The following IPCEF1 variants were observed in gnomAD, a reference collection of about 807,000 sequenced individuals.
IPCEF1 encodes interaction protein for cytohesin exchange factors 1, also known as interactor protein for cytohesin exchange factors 1.
In IPCEF1, 31 loss-of-function variants were observed where a neutral mutation model predicts 50.9. That is an observed-to-expected ratio of 0.61 (90% CI 0.46 to 0.82). The LOEUF (loss-of-function observed/expected upper bound fraction) is 0.82, where lower values mean the gene tolerates loss of function less well. Among genes scored for constraint, IPCEF1 ranks in the 40% least tolerant of loss-of-function variants. The pLI is 0.00. For synonymous variants in IPCEF1, 181 were observed against 192.0 expected, an observed-to-expected ratio of 0.94 and a Z score of 0.47; for missense variants, 458 against 514.0, an observed-to-expected ratio of 0.89 and a Z score of 1.05.
intron 1 of IPCEF1, among the ~76,000 whole-genome samples, chr6:154,338,023 C>T (rs1353527509): frequency 6.6e-6 from 1 of 152,338 alleles, no homozygotes; most frequent in Non-Finnish European, 1.5e-5. Flanking sequence ...TAAGCTGAGG[C>T]TTGAACTTTA....
chr6:154,193,944 C>T (rs960012996), intron 10 of IPCEF1, among the ~76,000 whole-genome samples: 37 of 139,848 alleles, frequency 2.6e-4, no homozygotes, highest in African/African-American at 9.9e-4. Context: ...GGATGTCCAA[C>T]ATAACAGACT....
At chr6:154,333,923 T>A (rs1409185487) in intron 1 of IPCEF1, among the ~76,000 whole-genome samples, 1 of 152,002 alleles carries the variant, frequency 6.6e-6, no homozygotes, top group Non-Finnish European at 1.5e-5. Context: ...AAATGAGTAT[T>A]AGGAGAGAGA....
chr6:154,192,272 G>T lies in IPCEF1; in HGVS notation c.910+7396C>A, dbSNP rs139269283. ...TACCCCACACCCTCACAAGTAATTT[G>T]CTGGCTGATTTCTGTTTCTTGACCC... On this transcript the variant is annotated intron_variant, in intron 10 of 11. Coordinates refer to ENST00000367220, the MANE Select transcript of IPCEF1 (RefSeq NM_001130700.2). Among the ~76,000 whole-genome samples, 493 of 150,932 alleles carry T rather than the reference G, an allele frequency of 3.3e-3. 3 individuals carry two copies. The highest frequency in any genetic ancestry group is 0.011 in the African/African-American group (438 of 41,040).
intron 10 of IPCEF1, among the ~76,000 whole-genome samples, chr6:154,170,502 A>C (rs1161388850): frequency 6.6e-6 from 1 of 152,238 alleles, no homozygotes; most frequent in African/African-American, 2.4e-5. Context: ...CATAAAACAG[A>C]AAGCAAAGAT....
At chr6:154,273,321 A>G (rs1220885839) in intron 2 of IPCEF1, among the ~76,000 whole-genome samples, 1 of 152,246 alleles carries the variant, frequency 6.6e-6, no homozygotes, top group Non-Finnish European at 1.5e-5. Context: ...TCCTCGTGGC[A>G]GAAGTCTTGA....
At chr6:154,326,870 T>C (rs778540739) in intron 1 of IPCEF1, among the ~76,000 whole-genome samples, 12 of 152,086 alleles carry the variant, frequency 7.9e-5, no homozygotes, top group East Asian at 1.9e-4. Context: ...AACAGACACA[T>C]AGACCAATGG....
chr6:154,254,851 A>G (rs62433241), intron 3 of IPCEF1, among the ~76,000 whole-genome samples: 19,286 of 152,090 alleles, frequency 0.13, 1,413 homozygotes, highest in Non-Finnish European at 0.17. Flanking sequence ...ACTTACATTT[A>G]ACAACATTTT....
intron 2 of IPCEF1, among the ~76,000 whole-genome samples, chr6:154,289,065 AAG>A (rs1782446778): frequency 6.6e-6 from 1 of 152,158 alleles, no homozygotes; most frequent in Non-Finnish European, 1.5e-5. Context: ...ACAAACAAAC[AAG>A]AGTTAAACCA....
At chr6:154,341,526 G>T (rs1486234066) in intron 1 of IPCEF1, among the ~76,000 whole-genome samples, 6 of 152,138 alleles carry the variant, frequency 3.9e-5, no homozygotes, top group South Asian at 2.1e-4. Context: ...TTTGAGAGGG[G>T]TCTGAATAGA....
At chr6:154,282,094 G>A (rs35973811) in intron 2 of IPCEF1, among the ~76,000 whole-genome samples, 21,875 of 151,790 alleles carry the variant, frequency 0.14, 1,869 homozygotes, top group East Asian at 0.41. Flanking sequence ...GCTTGAACCT[G>A]GGAAGCGGAG....
chr6:154,335,356 G>C (rs1783766523), intron 1 of IPCEF1, among the ~76,000 whole-genome samples: 1 of 152,100 alleles, frequency 6.6e-6, no homozygotes. Flanking sequence ...AACCCCAATG[G>C]GGAATGGATA....
intron 3 of IPCEF1, among the ~76,000 whole-genome samples, chr6:154,258,830 A>G (rs1781524235): frequency 6.6e-6 from 1 of 152,248 alleles, no homozygotes; most frequent in African/African-American, 2.4e-5. Flanking sequence ...AGACTTCAAG[A>G]CAGAATTGAT....
Position 154,158,792 on chromosome 6 carries a change from T to C in IPCEF1, c.*1036A>G, listed in dbSNP as rs1798813918. 1.3e-5 allele frequency: 2 copies of C among 152,364 alleles called. No homozygotes were observed. The highest frequency in any genetic ancestry group is 4.8e-5 in the African/African-American group (2 of 41,592). 9.4% of individuals were successfully genotyped at this position (152,364 alleles called of 1,614,324 possible). ...TCTTTTAAACACTAGTAATTTGAAC[T>C]TCTATAAATATATTTAAATAACAAA... On this transcript the variant is annotated 3_prime_UTR_variant, in exon 12 of 12. Transcript: ENST00000367220.
chr6:154,186,598 C>T (rs1334148729), intron 10 of IPCEF1, among the ~76,000 whole-genome samples: 1 of 151,962 alleles, frequency 6.6e-6, no homozygotes, highest in Non-Finnish European at 1.5e-5. Context: ...GCTTTGTCGC[C>T]CAGGCTGGAG....
At chr6:154,262,938 A>T (rs1159484586) in intron 3 of IPCEF1, among the ~76,000 whole-genome samples, 1 of 151,784 alleles carries the variant, frequency 6.6e-6, no homozygotes, top group African/African-American at 2.4e-5. Flanking sequence ...CACCATGCCC[A>T]GCTAATTTTT....
chr6:154,334,846 G>C (rs1783755736), intron 1 of IPCEF1, among the ~76,000 whole-genome samples: 1 of 151,988 alleles, frequency 6.6e-6, no homozygotes, highest in South Asian at 2.1e-4. Context: ...CTCAAAATAT[G>C]GTCCTTTGAT....
Position 154,221,462 on chromosome 6 carries a change from T to A in IPCEF1, c.321-134A>T. On this transcript the variant is annotated intron_variant, in intron 6 of 11. Coordinates refer to ENST00000367220, the MANE Select transcript of IPCEF1 (RefSeq NM_001130700.2). ...TGTAAATTTACAAAAAATAATTTAG[T>A]AATATTAGATACCTATTGTCTAGTC... is the stretch of plus-strand genomic sequence containing the variant. 4.4e-6 allele frequency: 3 copies of A among 681,566 alleles called. No individual in the cohort carries two copies. The South Asian group carries it at 5.7e-5, about 13-fold the overall frequency. 42.2% of individuals were successfully genotyped at this position (681,566 alleles called of 1,614,324 possible).
intron 3 of IPCEF1, among the ~76,000 whole-genome samples, chr6:154,257,803 G>A (rs1019255869): frequency 6.6e-5 from 10 of 152,054 alleles, no homozygotes; most frequent in Non-Finnish European, 1.2e-4. Context: ...AGGCTCAAGC[G>A]ATGCTCCCAC....
intron 2 of IPCEF1, among the ~76,000 whole-genome samples, chr6:154,283,555 G>A (rs1007196054): frequency 1.3e-5 from 2 of 150,546 alleles, no homozygotes; most frequent in African/African-American, 2.4e-5. Flanking sequence ...CTGAGATCGC[G>A]CCACTGCACT....
Sources: allele counts gnomAD v4.1 joint callset (sites outside exome capture counted in the v4.1 genomes callset), GRCh38; gene constraint gnomAD v4.1.1; transcripts MANE v1.5; gene names NCBI Gene and HGNC (gene_info 2026-07-23, HGNC 2026-07-21).